Variants in DOCK11 observed in about 807,000 individuals in gnomAD.
The protein encoded by DOCK11 is dedicator of cytokinesis protein 11.
A neutral mutation model predicts 169.1 loss-of-function variants in DOCK11; 70 were observed. The observed-to-expected ratio is 0.41, with a 90% CI of 0.34 to 0.51. The LOEUF is 0.51. Among genes scored for constraint, DOCK11 ranks in the 20% least tolerant of loss-of-function variants. DOCK11 has a pLI of 0.10. For synonymous variants in DOCK11, 529 were observed against 541.3 expected, an observed-to-expected ratio of 0.98 and a Z score of 0.32; for missense variants, 1,166 against 1,538.8, an observed-to-expected ratio of 0.76 and a Z score of 4.05.
chrX:118,536,928 A>C (rs1220357071), intron 1 of DOCK11, among the ~76,000 whole-genome samples: 1 of 111,192 alleles, frequency 9.0e-6, no homozygotes, highest in East Asian at 2.8e-4. Context: ...TAGAGAAAGC[A>C]CTCTAGGCTC....
chrX:118,627,326 T>C (rs1304309789), intron 32 of DOCK11, among the ~76,000 whole-genome samples, 178 bp from the exon 33 acceptor site: 1 of 111,432 alleles, frequency 9.0e-6, no homozygotes, highest in East Asian at 2.8e-4. Context: ...TACAACAGTA[T>C]GCTAGTAGCT....
intron 48 of DOCK11, among the ~76,000 whole-genome samples, chrX:118,679,907 G>C (rs1228580702): frequency 1.9e-5 from 2 of 103,848 alleles, no homozygotes; most frequent in Non-Finnish European, 3.9e-5. Flanking sequence ...CTGGGTAGTA[G>C]GATTACAGTA....
At chrX:118,667,886 A>G (rs913883307) in intron 45 of DOCK11, among the ~76,000 whole-genome samples, 3 of 111,535 alleles carry the variant, frequency 2.7e-5, no homozygotes, top group African/African-American at 9.8e-5. Context: ...TTTTGATGCT[A>G]TTGTAAATAA....
intron 27 of DOCK11, among the ~76,000 whole-genome samples, chrX:118,609,653 G>A (rs2014630531): frequency 8.9e-6 from 1 of 111,830 alleles, no homozygotes; most frequent in Non-Finnish European, 1.9e-5. Context: ...TACCTTTGAA[G>A]CTTTGCCTTT....
intron 12 of DOCK11, among the ~76,000 whole-genome samples, chrX:118,577,209 A>G (rs1004205944): frequency 3.6e-5 from 4 of 112,188 alleles, no homozygotes; most frequent in African/African-American, 1.3e-4. Flanking sequence ...CACTGCACTC[A>G]AGGTGCACTG....
At chrX:118,562,097 C>CA (rs2012930450) in intron 7 of DOCK11, among the ~76,000 whole-genome samples, 1 of 106,093 alleles carries the variant, frequency 9.4e-6, no homozygotes, top group Non-Finnish European at 1.9e-5. Flanking sequence ...ACCCAGGAGT[C>CA]AGAGGTTGCA....
intron 38 of DOCK11, 78 bp from the exon 39 acceptor site, chrX:118,641,112 C>A: frequency 1.3e-6 from 1 of 772,221 alleles, no homozygotes; most frequent in Non-Finnish European, 2.0e-6. Context: ...TGTCTTAAGT[C>A]TTTGGGTAGA....
rs150691791 is a variant in DOCK11, at chrX:118,586,240, C to T, written c.1795+1123C>T. ...TGCAAGCAAACGAGTTGTATTACTC[C>T]GTTTTTCACACGGCTATAAAGATAC... On this transcript the variant is annotated intron_variant, in intron 16 of 52. Transcript: ENST00000276202. Among the ~76,000 whole-genome samples the T allele has an allele frequency of 3.6e-3, 396 of 111,221 alleles. 1 individual carries two copies. The highest frequency in any genetic ancestry group is 0.012 in the African/African-American group (367 of 30,560).
intron 1 of DOCK11, among the ~76,000 whole-genome samples, chrX:118,519,219 A>G (rs987070374): frequency 8.9e-6 from 1 of 112,072 alleles, no homozygotes; most frequent in Non-Finnish European, 1.9e-5. Flanking sequence ...AAAGCAAAGC[A>G]ATTTTATTGT....
intron 50 of DOCK11, 74 bp from the exon 51 acceptor site, chrX:118,681,620 A>C (rs763470119): frequency 4.0e-5 from 32 of 793,242 alleles, no homozygotes; most frequent in Admixed American, 2.0e-4. Context: ...TTTTAATAAA[A>C]AAGAGAAATG....
At chrX:118,540,484 C>T (rs2011949457) in intron 1 of DOCK11, among the ~76,000 whole-genome samples, 1 of 111,615 alleles carries the variant, frequency 9.0e-6, no homozygotes, top group South Asian at 3.8e-4. Context: ...TATTTCAACT[C>T]ATTTTGCAGT....
At chrX:118,540,051 C>CAAA (rs58922946) in intron 1 of DOCK11, among the ~76,000 whole-genome samples, 8 of 42,252 alleles carry the variant, frequency 1.9e-4, no homozygotes, top group Non-Finnish European at 2.8e-4. Flanking sequence ...AACTCCATCT[C>CAAA]AAAAAAAAAA....
intron 20 of DOCK11, among the ~76,000 whole-genome samples, chrX:118,596,943 A>G (rs1052528525): frequency 9.0e-6 from 1 of 111,249 alleles, no homozygotes; most frequent in African/African-American, 3.3e-5. Context: ...ATAGTTCCTT[A>G]CCCTAGGGTT....
intron 23 of DOCK11, among the ~76,000 whole-genome samples, chrX:118,603,921 A>G (rs768911441): frequency 8.9e-6 from 1 of 112,296 alleles, no homozygotes; most frequent in Non-Finnish European, 1.9e-5. Context: ...GAGAACAGTG[A>G]TGATTGTTTA....
At chrX:118,574,172 C>T (rs1457613329) in intron 12 of DOCK11, among the ~76,000 whole-genome samples, 154 bp downstream of exon 12, 1 of 111,752 alleles carries the variant, frequency 8.9e-6, no homozygotes, top group Non-Finnish European at 1.9e-5. Context: ...AGTTTGAGGG[C>T]AAAAATGGAA....
chrX:118,575,264 A>T (rs2013408492), intron 12 of DOCK11, among the ~76,000 whole-genome samples: 1 of 111,367 alleles, frequency 9.0e-6, no homozygotes, highest in Non-Finnish European at 1.9e-5. Flanking sequence ...AATTATATTC[A>T]TGCTGTTTTA....
In DOCK11 at chrX:118,615,622, A is replaced by G. The variant is rs769169895; in HGVS notation, c.3203A>G (p.Glu1068Gly). ...TAGGTTCTGGCTGAATACAAGTTTG[A>G]ATTTCTGCAAACAATTTGCAATCAC... is the stretch of plus-strand genomic sequence containing the variant. ...DPKVLAEYKF[E>G]FLQTICNHEH... Residue 1068 changes from glutamate to glycine, a missense_variant, in exon 30 of 53, where the codon GAA (glutamate) becomes GGA (glycine). Physicochemically the swap from Glu to Gly is moderately conservative, Grantham distance 98. Coordinates refer to ENST00000276202, the MANE Select transcript of DOCK11 (RefSeq NM_144658.4). 4.1e-5 allele frequency: 50 copies of G among 1,206,680 alleles called. No homozygotes were observed. Among genetic ancestry groups the G allele is most frequent in the Non-Finnish European group, 5.3e-5 (47 of 893,381 alleles).
chrX:118,578,034 C>G (rs2013507097), intron 12 of DOCK11, among the ~76,000 whole-genome samples: 1 of 112,228 alleles, frequency 8.9e-6, no homozygotes, highest in South Asian at 3.7e-4. Context: ...TTTGGATTCT[C>G]TGTCTCCTAC....
chrX:118,535,908 A>G (rs779304191), intron 1 of DOCK11, among the ~76,000 whole-genome samples: 3 of 111,797 alleles, frequency 2.7e-5, no homozygotes, highest in Non-Finnish European at 3.8e-5. Context: ...TGGAGTTCCT[A>G]TTGGGGAAGA....
Sources: gnomAD v4.1 joint callset for allele counts (sites outside exome capture counted in the v4.1 genomes callset) on GRCh38, gnomAD v4.1.1 for gene constraint, MANE v1.5 for transcripts, NCBI Gene and HGNC (gene_info 2026-07-23, HGNC 2026-07-21) for gene names.